LDLRAD3: variants seen among roughly 807,000 people sequenced by gnomAD.
The protein encoded by LDLRAD3 is low-density lipoprotein receptor class A domain-containing protein 3.
In LDLRAD3, 20 loss-of-function variants were observed where a neutral mutation model predicts 29.4. The observed-to-expected ratio is 0.68, with a 90% CI of 0.48 to 0.99. The LOEUF (loss-of-function observed/expected upper bound fraction) is 0.99, where lower values mean the gene tolerates loss of function less well. Ranked by LOEUF, LDLRAD3 falls within the 50% of genes least tolerant of loss-of-function variation. The pLI is 0.00. For synonymous variants in LDLRAD3, 157 were observed against 192.7 expected, an observed-to-expected ratio of 0.81 and a Z score of 1.53; for missense variants, 420 against 454.3, an observed-to-expected ratio of 0.92 and a Z score of 0.69.
intron 4 of LDLRAD3, among the ~76,000 whole-genome samples, chr11:36,150,229 T>A (rs1254202003): frequency 1.3e-5 from 2 of 152,148 alleles, no homozygotes. Flanking sequence ...TATTACTCTT[T>A]AAAGATTCCC....
intron 4 of LDLRAD3, among the ~76,000 whole-genome samples, chr11:36,131,188 G>C (rs1345469782): frequency 6.6e-6 from 1 of 152,228 alleles, no homozygotes; most frequent in African/African-American, 2.4e-5. Flanking sequence ...TGTTCTCCCA[G>C]CTCTCACCCC....
intron 1 of LDLRAD3, among the ~76,000 whole-genome samples, chr11:35,988,530 G>A (rs532982372): frequency 6.6e-6 from 1 of 152,206 alleles, no homozygotes; most frequent in South Asian, 2.1e-4. Flanking sequence ...TTACTCTGTT[G>A]ATAGTTTCTT....
intron 4 of LDLRAD3, among the ~76,000 whole-genome samples, chr11:36,105,320 T>C (rs139581272): frequency 1.1e-4 from 16 of 152,128 alleles, no homozygotes; most frequent in Non-Finnish European, 1.8e-4. Context: ...TTGGCATTTT[T>C]GTCCTTGGGG....
chr11:36,074,508 A>G (rs1270057283), intron 2 of LDLRAD3, among the ~76,000 whole-genome samples: 1 of 152,180 alleles, frequency 6.6e-6, no homozygotes, highest in African/African-American at 2.4e-5. Context: ...GAGAAGGAAC[A>G]AGGAAGCCTG....
intron 1 of LDLRAD3, among the ~76,000 whole-genome samples, chr11:36,028,971 G>A (rs182187531): frequency 2.0e-5 from 3 of 152,292 alleles, no homozygotes; most frequent in Non-Finnish European, 1.5e-5. Context: ...AGGGCCGGGC[G>A]CAGTGGCTCA....
At chr11:36,178,432 C>T (rs1175136054) in intron 4 of LDLRAD3, among the ~76,000 whole-genome samples, 1 of 152,156 alleles carries the variant, frequency 6.6e-6, no homozygotes, top group Non-Finnish European at 1.5e-5. Flanking sequence ...CCTCCTCATT[C>T]CGTCGTACGC....
intron 4 of LDLRAD3, among the ~76,000 whole-genome samples, chr11:36,181,721 C>T (rs1285383754): frequency 6.6e-6 from 1 of 152,202 alleles, no homozygotes; most frequent in African/African-American, 2.4e-5. Context: ...TTACAGCTTT[C>T]CTTCTCTCCT....
chr11:36,227,520 C>A, intron 5 of LDLRAD3, 90 bp downstream of exon 5: 1 of 1,029,352 alleles, frequency 9.7e-7, no homozygotes, highest in Non-Finnish European at 1.4e-6. Flanking sequence ...TTAGGTCTTG[C>A]CAAGAGCCTG....
intron 1 of LDLRAD3, among the ~76,000 whole-genome samples, chr11:35,952,048 A>G (rs1293800292): frequency 6.6e-6 from 1 of 152,232 alleles, no homozygotes; most frequent in Non-Finnish European, 1.5e-5. Flanking sequence ...TGTACATACT[A>G]TAATTTATTT....
chr11:36,126,177 G>C (rs11825283), intron 4 of LDLRAD3, among the ~76,000 whole-genome samples: 3,394 of 152,142 alleles, frequency 0.022, 120 homozygotes, highest in African/African-American at 0.078. Context: ...CACTGCTCCC[G>C]ATGCCTTGCT....
At chr11:36,036,972 G>A (rs1852313233) in intron 2 of LDLRAD3, among the ~76,000 whole-genome samples, 1 of 152,124 alleles carries the variant, frequency 6.6e-6, no homozygotes, top group Admixed American at 6.5e-5. Context: ...AGTTGAGAGG[G>A]GTCCGTGGTG....
chr11:35,958,402 G>A (rs1851232500), intron 1 of LDLRAD3, among the ~76,000 whole-genome samples: 1 of 152,132 alleles, frequency 6.6e-6, no homozygotes, highest in Non-Finnish European at 1.5e-5. Context: ...ATGTGTGTGA[G>A]GTACAAATTG....
In LDLRAD3 at chr11:36,231,369, A is replaced by G. The variant is rs1353228724; in HGVS notation, c.*1972A>G. The stretch of plus-strand genomic sequence containing the variant: ...CTGTATCTTTCATTTTTAAAATAGC[A>G]CTTGAGTTATTTTCTGAGTAATCCA... On this transcript the variant is annotated 3_prime_UTR_variant, in exon 6 of 6. Coordinates refer to ENST00000315571, the MANE Select transcript of LDLRAD3 (RefSeq NM_174902.4). 2.0e-5 allele frequency: 3 copies of G among 152,134 alleles called. No homozygotes were observed. Among genetic ancestry groups the G allele is most frequent in the African/African-American group, 7.2e-5 (3 of 41,444 alleles). 9.4% of individuals were successfully genotyped at this position (152,134 alleles called of 1,614,324 possible).
intron 4 of LDLRAD3, among the ~76,000 whole-genome samples, chr11:36,111,384 A>T (rs7108681): frequency 0.29 from 43,235 of 151,684 alleles, 6,259 homozygotes; most frequent in Admixed American, 0.33. Context: ...TGAAAAACTT[A>T]CCTGGGTTAT....
chr11:36,167,308 G>A (rs1023413177), intron 4 of LDLRAD3, among the ~76,000 whole-genome samples: 1 of 152,152 alleles, frequency 6.6e-6, no homozygotes, highest in African/African-American at 2.4e-5. Context: ...TGAACTCAGA[G>A]ATGTTAATCT....
intron 4 of LDLRAD3, among the ~76,000 whole-genome samples, chr11:36,168,009 T>C (rs80217317): frequency 0.011 from 1,667 of 152,262 alleles, 31 homozygotes; most frequent in African/African-American, 0.038. Context: ...TCCTCTTTCT[T>C]AGACTCCCGA....
At chr11:36,074,420 G>A (rs1027342773) in intron 2 of LDLRAD3, among the ~76,000 whole-genome samples, 4 of 152,166 alleles carry the variant, frequency 2.6e-5, no homozygotes, top group African/African-American at 9.7e-5. Flanking sequence ...GCCATGCTGA[G>A]CCCTGGGAAA....
At chr11:35,951,912 C>G (rs796267638) in intron 1 of LDLRAD3, among the ~76,000 whole-genome samples, 22 of 152,334 alleles carry the variant, frequency 1.4e-4, no homozygotes, top group African/African-American at 5.1e-4. Context: ...TTAGAAGATG[C>G]AGTTGGCCAT....
intron 1 of LDLRAD3, among the ~76,000 whole-genome samples, chr11:36,020,753 A>G (rs1404626853): frequency 6.6e-6 from 1 of 152,176 alleles, no homozygotes; most frequent in African/African-American, 2.4e-5. Flanking sequence ...TGGGCTGGCC[A>G]GGATACCCAG....
Sources: allele counts gnomAD v4.1 joint callset (sites outside exome capture counted in the v4.1 genomes callset), GRCh38; gene constraint gnomAD v4.1.1; transcripts MANE v1.5; gene names NCBI Gene and HGNC (gene_info 2026-07-23, HGNC 2026-07-21).